CDKL5: variants seen among roughly 807,000 people sequenced by gnomAD.
The protein encoded by CDKL5 is cyclin dependent kinase like 5, also known as cyclin-dependent kinase-like 5.
In CDKL5, 8 loss-of-function variants were observed where a neutral mutation model predicts 61.7. The observed-to-expected ratio is 0.13, with a 90% CI of 0.08 to 0.23. CDKL5 has a LOEUF of 0.23. CDKL5 is among the 10% of genes least tolerant of loss of function. The probability of loss-of-function intolerance (pLI) is 1.00; values close to 1 mark genes in which losing one functional copy is unlikely to be tolerated. For synonymous variants in CDKL5, 275 were observed against 272.3 expected, an observed-to-expected ratio of 1.01 and a Z score of -0.10; for missense variants, 440 against 734.5, an observed-to-expected ratio of 0.60 and a Z score of 4.63.
intron 1 of CDKL5, among the ~76,000 whole-genome samples, chrX:18,466,387 AT>A (rs999947367): frequency 2.7e-5 from 3 of 111,741 alleles, no homozygotes; most frequent in South Asian, 7.4e-4. Context: ...TTAAAATTTA[AT>A]TTTTTTTGAG....
intron 1 of CDKL5, among the ~76,000 whole-genome samples, chrX:18,439,837 CAAAAAAA>C (rs199796155): frequency 2.6e-5 from 1 of 38,022 alleles, no homozygotes; most frequent in Non-Finnish European, 5.4e-5. Flanking sequence ...ATTTGGTCTC[CAAAAAAA>C]AAAAAAAAAG....
At chrX:18,473,147 G>C (rs2147065711) in intron 1 of CDKL5, among the ~76,000 whole-genome samples, 1 of 108,985 alleles carries the variant, frequency 9.2e-6, no homozygotes, top group South Asian at 4.0e-4. Context: ...GTAGAGAGAG[G>C]GGGGTTTCAC....
chrX:18,550,267 C>T (rs1924340501), intron 3 of CDKL5, among the ~76,000 whole-genome samples: 1 of 111,537 alleles, frequency 9.0e-6, no homozygotes, highest in Non-Finnish European at 1.9e-5. Flanking sequence ...CTGGGGTCCA[C>T]GCGTATAAGG....
downstream of CDKL5, chrX:18,640,594 T>A (rs1283914824): frequency 1.8e-5 from 2 of 111,185 alleles, no homozygotes; most frequent in East Asian, 2.8e-4. Context: ...TCAAGAAGGA[T>A]GTTTGGGGCT....
intron 3 of CDKL5, among the ~76,000 whole-genome samples, chrX:18,545,791 A>G (rs1026415206): frequency 3.6e-5 from 4 of 112,337 alleles, no homozygotes; most frequent in Non-Finnish European, 7.5e-5. Flanking sequence ...TTAAATTTCC[A>G]TGAACACTAG....
chrX:18,526,026 C>T (rs1008725760), intron 3 of CDKL5, among the ~76,000 whole-genome samples: 1 of 112,072 alleles, frequency 8.9e-6, no homozygotes, highest in Non-Finnish European at 1.9e-5. Flanking sequence ...GGATTATAGG[C>T]GTGAGCCACC....
chrX:18,615,866 AG>A (rs1926698729), intron 15 of CDKL5, among the ~76,000 whole-genome samples: 1 of 112,555 alleles, frequency 8.9e-6, no homozygotes, highest in African/African-American at 3.2e-5. Flanking sequence ...TATATTTTAA[AG>A]CAATAAATAG....
intron 10 of CDKL5, among the ~76,000 whole-genome samples, chrX:18,597,888 ACCTGG>A (rs1386866441): frequency 2.7e-5 from 3 of 111,069 alleles, no homozygotes; most frequent in Non-Finnish European, 3.8e-5. Flanking sequence ...GAGCCACCAC[ACCTGG>A]CCCCGAATTA....
At chrX:18,444,237 A>G (rs1430816622) in intron 1 of CDKL5, among the ~76,000 whole-genome samples, 1 of 110,180 alleles carries the variant, frequency 9.1e-6, no homozygotes, top group Non-Finnish European at 1.9e-5. Flanking sequence ...TTTTCCATTT[A>G]TGGAACCATT....
At chrX:18,520,749 T>G (rs1428149589) in intron 3 of CDKL5, among the ~76,000 whole-genome samples, 2 of 111,790 alleles carry the variant, frequency 1.8e-5, no homozygotes, top group Non-Finnish European at 3.8e-5. Flanking sequence ...TTCCTCCTCC[T>G]TCTCCTCCTC....
At position 18,634,986 on chromosome X, in the gene CDKL5, G is replaced by A. The variant is rs62588991; in HGVS notation, c.*6229G>A. ...CTAGTATGTGGTAGATGAAGAATCA[G>A]TGGAAATTCTTAATTGCACAGACTT... On this transcript the variant is annotated 3_prime_UTR_variant, in exon 18 of 18. Coordinates refer to ENST00000623535, the MANE Select transcript of CDKL5 (RefSeq NM_001323289.2). The A allele has an allele frequency of 1.5e-5, 11 of 740,382 alleles. No individual in the cohort carries two copies. The highest frequency in any genetic ancestry group is 1.7e-5 in the Non-Finnish European group (11 of 632,657). 61.0% of individuals were successfully genotyped at this position (740,382 alleles called of 1,213,427 possible).
At chrX:18,449,494 TC>T (rs200781240) in intron 1 of CDKL5, among the ~76,000 whole-genome samples, 1,639 of 111,308 alleles carry the variant, frequency 0.015, 69 homozygotes, top group East Asian at 0.11. Flanking sequence ...ATCCTGCCCT[TC>T]CCCCCTGCCG....
intron 1 of CDKL5, among the ~76,000 whole-genome samples, chrX:18,491,846 T>C: frequency 9.0e-6 from 1 of 111,519 alleles, no homozygotes; most frequent in Non-Finnish European, 1.9e-5. Flanking sequence ...ATATTTCACT[T>C]CTCTCTCTAG....
At chrX:18,506,555 C>A (rs763724860) in intron 1 of CDKL5, among the ~76,000 whole-genome samples, 110 of 112,367 alleles carry the variant, frequency 9.8e-4, no homozygotes, top group Non-Finnish European at 1.8e-3. Flanking sequence ...AATCTTAGAA[C>A]ACACACAAAC....
chrX:18,573,839 G>A (rs773024114), intron 4 of CDKL5, among the ~76,000 whole-genome samples: 14 of 111,775 alleles, frequency 1.3e-4, no homozygotes, highest in Non-Finnish European at 1.7e-4. Context: ...ATGGATACTC[G>A]GGTGCTACAA....
chrX:18,516,284 G>GTTT (rs375914877), intron 3 of CDKL5, among the ~76,000 whole-genome samples: 1 of 90,700 alleles, frequency 1.1e-5, no homozygotes. Flanking sequence ...CCTGGCCTAC[G>GTTT]TTTTTTTTTT....
chrX:18,568,436 G>T (rs1925038462), intron 4 of CDKL5, among the ~76,000 whole-genome samples: 1 of 111,668 alleles, frequency 9.0e-6, no homozygotes. Flanking sequence ...GACTTTAAGT[G>T]GATAAAATGA....
chrX:18,523,216 A>G (rs1221516242), intron 3 of CDKL5, among the ~76,000 whole-genome samples: 1 of 111,407 alleles, frequency 9.0e-6, no homozygotes, highest in Non-Finnish European at 1.9e-5. Context: ...CATCACTACT[A>G]TGTATTTGCA....
chrX:18,562,625 T>G (rs1183057611), intron 3 of CDKL5, among the ~76,000 whole-genome samples: 2 of 112,293 alleles, frequency 1.8e-5, no homozygotes, highest in African/African-American at 6.4e-5. Context: ...TTATAAGCAG[T>G]TTGAATACAT....
Sources: gnomAD v4.1 joint callset for allele counts (sites outside exome capture counted in the v4.1 genomes callset) on GRCh38, gnomAD v4.1.1 for gene constraint, MANE v1.5 for transcripts, NCBI Gene and HGNC (gene_info 2026-07-23, HGNC 2026-07-21) for gene names.